PSMA8: variants seen among roughly 807,000 people sequenced by gnomAD.
PSMA8 encodes the protein proteasome 20S subunit alpha 8.
PSMA8 carries 18 observed loss-of-function variants against 32.4 expected under a neutral mutation model. The ratio of observed to expected loss-of-function variants is 0.56; its 90% CI spans 0.38 to 0.82. The LOEUF (loss-of-function observed/expected upper bound fraction) is 0.82. Among genes scored for constraint, PSMA8 ranks in the 40% least tolerant of loss-of-function variants. The probability of loss-of-function intolerance (pLI) is 0.00; values close to 1 mark genes in which losing one functional copy is unlikely to be tolerated. For missense variants in PSMA8, 298 were observed against 300.7 expected, an observed-to-expected ratio of 0.99 and a Z score of 0.07; for synonymous variants, 104 against 98.1, an observed-to-expected ratio of 1.06 and a Z score of -0.36.
Position 26,144,659 on chromosome 18 carries a change from A to G in PSMA8, c.203A>G (p.Asp68Gly), listed in dbSNP as rs776889806. 41 of 1,613,846 alleles carry G rather than the reference A, an allele frequency of 2.5e-5. No individual in the cohort carries two copies. Among genetic ancestry groups the G allele is most frequent in the South Asian group, 1.1e-5 (1 of 91,072 alleles). ...ERTVRKICAL[D>G]DHVCMAFAGL... ...ACTGTGAGGAAAATTTGTGCCCTTG[A>G]TGACCATGTCTGCATGGCTTTTGCA... Residue 68 changes from aspartate (D) to glycine (G), a missense_variant, in exon 2 of 7, where the codon GAT becomes GGT. Physicochemically the swap from Asp to Gly is moderately conservative, Grantham distance 94. Coordinates refer to ENST00000415576, the MANE Select transcript of PSMA8 (RefSeq NM_001025096.2).
chr18:26,183,925 C>T (rs1458850063), intron 6 of PSMA8, among the ~76,000 whole-genome samples: 1 of 150,822 alleles, frequency 6.6e-6, no homozygotes, highest in Non-Finnish European at 1.5e-5. Flanking sequence ...GATGAGTCAG[C>T]TCCATCATCA....
At chr18:26,151,358 T>C (rs1200305094) in intron 2 of PSMA8, among the ~76,000 whole-genome samples, 2 of 152,344 alleles carry the variant, frequency 1.3e-5, no homozygotes, top group East Asian at 3.9e-4. Flanking sequence ...GTCAGTTTGT[T>C]GCTCTTTTGA....
At chr18:26,148,246 T>G (rs2144286672) in intron 2 of PSMA8, among the ~76,000 whole-genome samples, 1 of 152,148 alleles carries the variant, frequency 6.6e-6, no homozygotes, top group Non-Finnish European at 1.5e-5. Context: ...ATATCCCTTA[T>G]GAGCAGTGAG....
chr18:26,140,258 C>T (rs2054944677), intron 1 of PSMA8: 1 of 648,398 alleles, frequency 1.5e-6, no homozygotes, highest in Admixed American at 2.4e-5. Context: ...ACCACAGGTG[C>T]CAGCCTTGTA....
intron 6 of PSMA8, among the ~76,000 whole-genome samples, chr18:26,190,474 C>T (rs1040384806): frequency 6.6e-6 from 1 of 152,124 alleles, no homozygotes; most frequent in Non-Finnish European, 1.5e-5. Context: ...TGAGGCTGGG[C>T]GCAGTGGCTC....
chr18:26,161,703 A>G (rs2055136955), intron 4 of PSMA8, among the ~76,000 whole-genome samples: 1 of 152,206 alleles, frequency 6.6e-6, no homozygotes, highest in Non-Finnish European at 1.5e-5. Context: ...ATGCCTGCAA[A>G]TAGCCACTGC....
chr18:26,191,254 T>A (rs528772931), intron 6 of PSMA8, among the ~76,000 whole-genome samples: 1 of 152,222 alleles, frequency 6.6e-6, no homozygotes, highest in Non-Finnish European at 1.5e-5. Flanking sequence ...ATTTATCAAT[T>A]TAATAGATAC....
At chr18:26,177,731 A>T (rs1228632625) in intron 4 of PSMA8, among the ~76,000 whole-genome samples, 1 of 152,218 alleles carries the variant, frequency 6.6e-6, no homozygotes, top group Non-Finnish European at 1.5e-5. Context: ...AAAGATGATA[A>T]CAAATCAATT....
chr18:26,137,916 G>A (rs2054925657), intron 1 of PSMA8, among the ~76,000 whole-genome samples: 1 of 152,214 alleles, frequency 6.6e-6, no homozygotes, highest in African/African-American at 2.4e-5. Context: ...GCTGTCAAGT[G>A]AAGAAGTGGA....
At chr18:26,173,569 T>C (rs1488522478) in intron 4 of PSMA8, among the ~76,000 whole-genome samples, 1 of 152,128 alleles carries the variant, frequency 6.6e-6, no homozygotes, top group Non-Finnish European at 1.5e-5. Flanking sequence ...CTTTTTTTTT[T>C]TTTTGAGATG....
chr18:26,134,174 T>C, intron 1 of PSMA8, 107 bp downstream of exon 1: 16 of 648,410 alleles, frequency 2.5e-5, no homozygotes, highest in Non-Finnish European at 4.1e-5. Context: ...AGAGAGGAGA[T>C]TCCCACACTT....
chr18:26,155,941 CAAAG>C (rs1438396469), intron 3 of PSMA8, among the ~76,000 whole-genome samples: 3 of 152,108 alleles, frequency 2.0e-5, no homozygotes, highest in African/African-American at 7.2e-5. Context: ...ACGAGGAACT[CAAAG>C]AACTGAAAAC....
chr18:26,161,877 G>A (rs923869372), intron 4 of PSMA8, among the ~76,000 whole-genome samples: 1 of 152,108 alleles, frequency 6.6e-6, no homozygotes, highest in Non-Finnish European at 1.5e-5. Context: ...CCCTTTCCAT[G>A]GCAGAAAAGT....
At chr18:26,142,836 A>T (rs756486648) in intron 1 of PSMA8, among the ~76,000 whole-genome samples, 2 of 152,062 alleles carry the variant, frequency 1.3e-5, no homozygotes, top group Non-Finnish European at 2.9e-5. Context: ...AACCATCATG[A>T]CCTAATCACC....
chr18:26,163,218 T>TAA, intron 4 of PSMA8, among the ~76,000 whole-genome samples: 1 of 7,968 alleles, frequency 1.3e-4, no homozygotes. Flanking sequence ...TGTGTGTATA[T>TAA]ATATATATAT....
At chr18:26,172,452 G>A (rs535551303) in intron 4 of PSMA8, among the ~76,000 whole-genome samples, 3 of 152,234 alleles carry the variant, frequency 2.0e-5, no homozygotes, top group South Asian at 4.1e-4. Flanking sequence ...ACAAAAACAG[G>A]GAACTGACTT....
chr18:26,138,188 A>G (rs1415594914), intron 1 of PSMA8, among the ~76,000 whole-genome samples: 1 of 152,204 alleles, frequency 6.6e-6, no homozygotes, highest in Non-Finnish European at 1.5e-5. Flanking sequence ...CTGTCATTCT[A>G]TTAACAGACT....
intron 4 of PSMA8, among the ~76,000 whole-genome samples, chr18:26,161,336 A>T (rs2144312472): frequency 6.6e-6 from 1 of 152,318 alleles, no homozygotes; most frequent in East Asian, 1.9e-4. Flanking sequence ...TTACTAGTTT[A>T]TGGCTCAGGG....
At chr18:26,147,149 G>A (rs146406191) in intron 2 of PSMA8, among the ~76,000 whole-genome samples, 1 of 149,210 alleles carries the variant, frequency 6.7e-6, no homozygotes, top group East Asian at 1.9e-4. Context: ...CCAACTTTGG[G>A]GATTACAGTT....
Sources: allele counts gnomAD v4.1 joint callset (sites outside exome capture counted in the v4.1 genomes callset), GRCh38; gene constraint gnomAD v4.1.1; transcripts MANE v1.5; gene names NCBI Gene and HGNC (gene_info 2026-07-23, HGNC 2026-07-21).